The following IL1RAPL2 variants were observed in gnomAD, a reference collection of about 807,000 sequenced individuals.
IL1RAPL2 encodes the protein X-linked interleukin-1 receptor accessory protein-like 2.
A neutral mutation model predicts 44.1 loss-of-function variants in IL1RAPL2; 3 were observed. The observed-to-expected ratio is 0.07, with a 90% CI of 0.03 to 0.18. IL1RAPL2 has a LOEUF of 0.18. Ranked by LOEUF, IL1RAPL2 falls within the 10% of genes least tolerant of loss-of-function variation. The pLI is 1.00. For synonymous variants in IL1RAPL2, 181 were observed against 178.8 expected (o/e 1.01, Z -0.10); for missense variants, 391 against 496.4 (o/e 0.79, Z 2.02).
intron 2 of IL1RAPL2, among the ~76,000 whole-genome samples, chrX:104,903,775 T>C (rs1923887451): frequency 9.1e-6 from 1 of 109,984 alleles, no homozygotes; most frequent in Non-Finnish European, 1.9e-5. Context: ...AGCGGGATTT[T>C]GCCGTGTTGC....
At chrX:104,915,409 G>C (rs1219866552) in intron 2 of IL1RAPL2, among the ~76,000 whole-genome samples, 2 of 110,543 alleles carry the variant, frequency 1.8e-5, no homozygotes, top group Admixed American at 1.9e-4. Flanking sequence ...TTTTTGATGG[G>C]GTTGTTTGTT....
At chrX:104,990,701 A>T (rs953060444) in intron 2 of IL1RAPL2, among the ~76,000 whole-genome samples, 14 of 111,778 alleles carry the variant, frequency 1.3e-4, no homozygotes, top group Admixed American at 3.8e-4. Flanking sequence ...CCTTTAAAAT[A>T]TATTGCATAT....
At chrX:104,783,958 C>T (rs1295185619) in intron 2 of IL1RAPL2, among the ~76,000 whole-genome samples, 1 of 111,003 alleles carries the variant, frequency 9.0e-6, no homozygotes, top group Non-Finnish European at 1.9e-5. Context: ...AACCCTGTAA[C>T]AGCCAAACTC....
chrX:104,570,288 A>T (rs1928121235), intron 1 of IL1RAPL2, among the ~76,000 whole-genome samples: 1 of 111,801 alleles, frequency 8.9e-6, no homozygotes, highest in South Asian at 3.8e-4. Flanking sequence ...TAAATGTGGA[A>T]TGTGCAATAT....
rs147660436 is a variant in IL1RAPL2 at position 105,240,344 on chromosome X, A to G, written c.543+6340A>G. On this transcript the variant is annotated intron_variant, in intron 4 of 10. Coordinates refer to ENST00000372582, the MANE Select transcript of IL1RAPL2 (RefSeq NM_017416.2). The stretch of plus-strand genomic sequence containing the variant: ...TGACTTAGACCATGGAGTTCATTCA[A>G]ATTGTGTATCTATACAATTTTGGTA... 8.8e-4 allele frequency among the ~76,000 whole-genome samples: 99 copies of G among 112,592 alleles called. 1 individual carries two copies. Among genetic ancestry groups the G allele is most frequent in the African/African-American group, 3.0e-3 (93 of 30,990 alleles).
chrX:105,673,371 A>G (rs191479022), intron 6 of IL1RAPL2, among the ~76,000 whole-genome samples: 2 of 110,657 alleles, frequency 1.8e-5, no homozygotes, highest in East Asian at 5.7e-4. Flanking sequence ...CCCTGTGTCC[A>G]TGTGTTCTCA....
At chrX:104,775,981 G>C (rs1487546452) in intron 2 of IL1RAPL2, among the ~76,000 whole-genome samples, 1 of 111,312 alleles carries the variant, frequency 9.0e-6, no homozygotes, top group Non-Finnish European at 1.9e-5. Context: ...GGGATCCTGA[G>C]AGAAGAGGTA....
chrX:104,667,000 G>A (rs1249961557), intron 2 of IL1RAPL2, among the ~76,000 whole-genome samples: 2 of 111,310 alleles, frequency 1.8e-5, no homozygotes, highest in Non-Finnish European at 3.8e-5. Flanking sequence ...GCTTGCACCA[G>A]GACTATTTTC....
At chrX:104,838,959 C>T (rs760450046) in intron 2 of IL1RAPL2, among the ~76,000 whole-genome samples, 2 of 103,873 alleles carry the variant, frequency 1.9e-5, no homozygotes, top group South Asian at 9.3e-4. Context: ...AAGTGATTCT[C>T]CTGCCTCTGC....
At position 104,855,672 on chromosome X, in the gene IL1RAPL2, T is replaced by A. The variant is rs762395186; in HGVS notation, c.82+196677T>A. Among the ~76,000 whole-genome samples, 4 of 102,755 alleles carry A rather than the reference T, an allele frequency of 3.9e-5. No individual in the cohort carries two copies. The East Asian group carries it at 1.2e-3, about 32-fold the overall frequency. The allele number at this position is 102,755 out of a possible 115,157, so 89.2% of individuals were successfully genotyped here. ...AAAAGTTCCTTAACTGTGCTAAGGATCTGGATCCGTTTTTTTTTTTTTTTT... is the reference window on the plus strand; with the variant it reads ...AAAAGTTCCTTAACTGTGCTAAGGAACTGGATCCGTTTTTTTTTTTTTTTT... On this transcript the variant is annotated intron_variant, in intron 2 of 10. Transcript: ENST00000372582.
At chrX:105,754,382 C>T (rs1437401802) in intron 9 of IL1RAPL2, among the ~76,000 whole-genome samples, 1 of 101,159 alleles carries the variant, frequency 9.9e-6, no homozygotes, top group Non-Finnish European at 2.0e-5. Context: ...TGCACATTTT[C>T]TCTCTGGAGA....
chrX:104,823,674 C>T (rs1465337760), intron 2 of IL1RAPL2, among the ~76,000 whole-genome samples: 1 of 110,195 alleles, frequency 9.1e-6, no homozygotes, highest in Non-Finnish European at 1.9e-5. Context: ...GGAATCGCCA[C>T]ACTGACTTCC....
At chrX:104,581,383 T>C (rs1165021211) in intron 1 of IL1RAPL2, among the ~76,000 whole-genome samples, 16 of 112,210 alleles carry the variant, frequency 1.4e-4, no homozygotes, top group Non-Finnish European at 1.9e-5. Context: ...TGAGCAGAAT[T>C]AGATTAAATC....
chrX:104,691,145 A>C (rs1157971385), intron 2 of IL1RAPL2, among the ~76,000 whole-genome samples: 1 of 112,413 alleles, frequency 8.9e-6, no homozygotes. Context: ...TTAATTAATA[A>C]GGCTAAAGAA....
intron 6 of IL1RAPL2, among the ~76,000 whole-genome samples, chrX:105,599,920 T>C (rs1403060129): frequency 8.9e-6 from 1 of 111,954 alleles, no homozygotes; most frequent in Non-Finnish European, 1.9e-5. Context: ...TGCTCTTTGT[T>C]TTTAATTCTT....
At chrX:104,979,421 T>C (rs1273618740) in intron 2 of IL1RAPL2, among the ~76,000 whole-genome samples, 1 of 111,014 alleles carries the variant, frequency 9.0e-6, no homozygotes, top group African/African-American at 3.3e-5. Context: ...CTCTAGAAAC[T>C]CTAGTGGAAA....
At chrX:104,805,925 C>A (rs1026086388) in intron 2 of IL1RAPL2, among the ~76,000 whole-genome samples, 13 of 111,438 alleles carry the variant, frequency 1.2e-4, no homozygotes, top group African/African-American at 3.3e-4. Context: ...AACCTAGAGG[C>A]CTTTGCTCTT....
intron 2 of IL1RAPL2, among the ~76,000 whole-genome samples, chrX:104,983,684 T>C (rs1444240311): frequency 2.0e-5 from 2 of 100,730 alleles, no homozygotes; most frequent in Non-Finnish European, 3.9e-5. Context: ...ATTATATACA[T>C]AATATTAACA....
chrX:105,758,862 C>T (rs767843610), intron 10 of IL1RAPL2, among the ~76,000 whole-genome samples: 1 of 112,377 alleles, frequency 8.9e-6, no homozygotes, highest in African/African-American at 3.2e-5. Context: ...AGATAGAAAA[C>T]ACCCTATTCA....
Sources: gnomAD v4.1 joint callset for allele counts (sites outside exome capture counted in the v4.1 genomes callset) on GRCh38, gnomAD v4.1.1 for gene constraint, MANE v1.5 for transcripts, NCBI Gene and HGNC (gene_info 2026-07-23, HGNC 2026-07-21) for gene names.